The following DCAF6 variants were observed in gnomAD, a reference collection of about 807,000 sequenced individuals.
DCAF6 encodes the protein DDB1- and CUL4-associated factor 6.
DCAF6 carries 54 observed loss-of-function variants against 125.1 expected under a neutral mutation model. That is an observed-to-expected ratio of 0.43 (90% CI 0.35 to 0.54). The LOEUF is 0.54. Among genes scored for constraint, DCAF6 ranks in the 20% least tolerant of loss-of-function variants. The probability of loss-of-function intolerance (pLI) is 0.01; values close to 1 mark genes in which losing one functional copy is unlikely to be tolerated. For missense variants in DCAF6, 934 were observed against 1,161.7 expected (o/e 0.80, Z 2.85); for synonymous variants, 371 against 390.4 (o/e 0.95, Z 0.58).
Position 168,056,558 on chromosome 1 carries a change from C to G in DCAF6, c.2300+5625C>G, listed in dbSNP as rs923009241. The G allele has an allele frequency of 2.9e-5, 12 of 417,096 alleles. 1 individual carries two copies. Among genetic ancestry groups the G allele is most frequent in the Non-Finnish European group, 4.5e-5 (12 of 265,934 alleles). The allele number at this position is 417,096 out of a possible 1,614,324, so 25.8% of individuals were successfully genotyped here. A position where few individuals can be genotyped will look rare whatever the true frequency, so the allele number is the denominator to read the frequency against. On this transcript the variant is annotated intron_variant, in intron 17 of 21. Transcript: ENST00000367840. ...ATTTTTGAATGGAATAATTTAATTA[C>G]AGAATAAGAAGATGAAGGTCACTGT... is the stretch of plus-strand genomic sequence containing the variant.
At chr1:168,037,509 A>C (rs1572044997) in intron 12 of DCAF6, among the ~76,000 whole-genome samples, 1 of 152,162 alleles carries the variant, frequency 6.6e-6, no homozygotes, top group African/African-American at 2.4e-5. Flanking sequence ...ACTGTTGTTC[A>C]TCATAAAATG....
In DCAF6 at chr1:167,989,037, A is replaced by G. The variant is rs553517917; in HGVS notation, c.552+1429A>G. Among the ~76,000 whole-genome samples, 37 of 152,262 alleles carry G rather than the reference A, an allele frequency of 2.4e-4. No homozygotes were observed. In the East Asian group the frequency reaches 6.8e-3, roughly 28 times the overall value. ...GGAGGTTGCAGTGAGCCGAGATCAC[A>G]CCACTGCACTCCAGCTCGGGTGACA... On this transcript the variant is annotated intron_variant, in intron 5 of 21. Transcript: ENST00000367840.
the DCAF6 span, chr1:167,916,694 A>C: frequency 6.6e-6 from 1 of 152,220 alleles, no homozygotes; most frequent in Non-Finnish European, 1.5e-5. Flanking sequence ...CCCGCACAGA[A>C]GAGGTTTTAA....
chr1:167,995,383 T>TA (rs1006428587), intron 7 of DCAF6, among the ~76,000 whole-genome samples: 18 of 152,294 alleles, frequency 1.2e-4, no homozygotes, highest in Admixed American at 1.2e-3. Flanking sequence ...AAAGTGGATT[T>TA]AAATTATGCT....
At chr1:168,067,577 G>A (rs1692492331) in intron 20 of DCAF6, among the ~76,000 whole-genome samples, 1 of 152,194 alleles carries the variant, frequency 6.6e-6, no homozygotes, top group Admixed American at 6.5e-5. Flanking sequence ...TGAACCATCA[G>A]TGTGCCTGGA....
chr1:168,034,298 T>G (rs1045919406), intron 12 of DCAF6, among the ~76,000 whole-genome samples: 1 of 152,146 alleles, frequency 6.6e-6, no homozygotes, highest in African/African-American at 2.4e-5. Context: ...CAGGATCACT[T>G]GAGGCCAGGA....
chr1:167,955,319 A>C (rs529924096), intron 2 of DCAF6, among the ~76,000 whole-genome samples: 2 of 152,186 alleles, frequency 1.3e-5, no homozygotes, highest in Non-Finnish European at 1.5e-5. Flanking sequence ...GTCATATGGT[A>C]GGTACCTGCT....
chr1:167,984,364 A>G lies in DCAF6; in HGVS notation c.439-3131A>G, dbSNP rs867539501. Among the ~76,000 whole-genome samples the G allele has an allele frequency of 2.0e-5, 3 of 152,350 alleles. 1 individual carries two copies. Among genetic ancestry groups the G allele is most frequent in the South Asian group, 4.1e-4 (2 of 4,826 alleles). The stretch of plus-strand genomic sequence containing the variant: ...AACATATCTTATAAAGGCATTAATT[A>G]TAAGAAATAGATACATGTTTTAATA... On this transcript the variant is annotated intron_variant, in intron 4 of 21. Transcript: ENST00000367840.
chr1:167,892,813 A>G, the DCAF6 span, among the ~76,000 whole-genome samples: 1 of 152,224 alleles, frequency 6.6e-6, no homozygotes, highest in Non-Finnish European at 1.5e-5. Flanking sequence ...GTATTAAAGC[A>G]GGCATATATT....
the DCAF6 span, chr1:167,918,413 G>T: frequency 8.6e-7 from 1 of 1,168,910 alleles, no homozygotes; most frequent in Non-Finnish European, 1.2e-6. Flanking sequence ...ACAAATTTAT[G>T]GTAAGGAGAG....
chr1:168,003,924 G>T lies in DCAF6; in HGVS notation c.1052G>T (p.Arg351Ile). The change falls in exon 9 of 22, where the codon AGA (arginine) becomes ATA (isoleucine). Residue 351 changes from arginine to isoleucine, a missense_variant. Physicochemically the swap from Arg to Ile is moderately conservative, Grantham distance 97. This residue lies in a region of DCAF6 where 559 missense variants were observed against 635.5 expected (regional missense o/e 0.88). Coordinates refer to ENST00000367840, the MANE Select transcript of DCAF6 (RefSeq NM_001198956.2). ...CAGAGAATGTCTGATATGTTATCAA[G>T]ATGGTTTGAAGAAGCAAGTGAGGTT... The part of the protein sequence containing the change: ...LMQRMSDMLS[R>I]WFEEASEVAQ... 1.9e-6 allele frequency: 3 copies of T among 1,612,236 alleles called. No individual in the cohort carries two copies. Among genetic ancestry groups the T allele is most frequent in the Non-Finnish European group, 2.5e-6 (3 of 1,179,284 alleles).
At chr1:167,896,751 T>G in the DCAF6 span, 1 of 1,189,468 alleles carries the variant, frequency 8.4e-7, no homozygotes, top group Non-Finnish European at 1.3e-6. Context: ...TCCTTTGAAG[T>G]GTAATTTCTT....
At chr1:168,022,850 T>C in intron 11 of DCAF6, 138 bp from the exon 12 acceptor site, 1 of 749,942 alleles carries the variant, frequency 1.3e-6, no homozygotes, top group Non-Finnish European at 2.3e-6. Flanking sequence ...GCTTACTCAC[T>C]GCTTGGGAAT....
chr1:168,072,294 T>TAAAAAAAA (rs59674650), intron 21 of DCAF6, among the ~76,000 whole-genome samples: 478 of 40,852 alleles, frequency 0.012, 1 homozygote, highest in Non-Finnish European at 0.015. Flanking sequence ...AGAATCAGTC[T>TAAAAAAAA]AAAAAAAAAA....
At chr1:167,971,670 C>A (rs980595761) in intron 3 of DCAF6, among the ~76,000 whole-genome samples, 1 of 152,108 alleles carries the variant, frequency 6.6e-6, no homozygotes, top group Non-Finnish European at 1.5e-5. Flanking sequence ...TACAACTAGA[C>A]CACCTTAACG....
the DCAF6 span, among the ~76,000 whole-genome samples, chr1:167,876,690 T>C: frequency 2.6e-5 from 4 of 152,228 alleles, no homozygotes; most frequent in African/African-American, 4.8e-5. Flanking sequence ...CAGATAGTCC[T>C]GGGTTTGCAT....
At chr1:167,920,013 C>G in the DCAF6 span, 1 of 1,613,292 alleles carries the variant, frequency 6.2e-7, no homozygotes. Context: ...GCTCCTGCTG[C>G]CCCCACAAAG....
At chr1:167,866,491 G>A in the DCAF6 span, among the ~76,000 whole-genome samples, 1 of 149,154 alleles carries the variant, frequency 6.7e-6, no homozygotes, top group African/African-American at 2.5e-5. Flanking sequence ...CCCCAGCCCT[G>A]GGGCTACCTG....
chr1:167,864,778 T>C, the DCAF6 span, among the ~76,000 whole-genome samples: 2 of 152,068 alleles, frequency 1.3e-5, no homozygotes, highest in South Asian at 4.1e-4. Flanking sequence ...TTGTTGTTAG[T>C]GTAAACAAGG....
Sources: allele counts gnomAD v4.1 joint callset (sites outside exome capture counted in the v4.1 genomes callset), GRCh38; gene constraint gnomAD v4.1.1; regional missense constraint gnomAD v4.1.1; transcripts MANE v1.5; gene names NCBI Gene and HGNC (gene_info 2026-07-23, HGNC 2026-07-21).